The following HDX variants were observed in gnomAD, a reference collection of about 807,000 sequenced individuals.
HDX encodes the protein highly divergent homeobox.
Under a neutral mutation model 45.2 loss-of-function variants are expected in HDX, and 19 were observed. The observed-to-expected ratio is 0.42, with a 90% CI of 0.29 to 0.62. HDX has a LOEUF of 0.62. Ranked by LOEUF, HDX falls within the 20% of genes least tolerant of loss-of-function variation. HDX has a pLI of 0.20. For missense variants in HDX, 532 were observed against 493.9 expected, an observed-to-expected ratio of 1.08 and a Z score of -0.73; for synonymous variants, 188 against 172.8, an observed-to-expected ratio of 1.09 and a Z score of -0.69.
intron 5 of HDX, among the ~76,000 whole-genome samples, chrX:84,378,150 T>A (rs1353602599): frequency 8.9e-6 from 1 of 111,856 alleles, no homozygotes; most frequent in Non-Finnish European, 1.9e-5. Flanking sequence ...TAGCATAGCA[T>A]ATCCAGCGAA....
rs182866637 is a variant in HDX at position 84,419,554 on chromosome X, C to T, written c.1305+20978G>A. Among the ~76,000 whole-genome samples, 44 of 111,692 alleles carry T rather than the reference C, an allele frequency of 3.9e-4. No individual in the cohort carries two copies. The South Asian group carries it at 0.016, about 40-fold the overall frequency. On this transcript the variant is annotated intron_variant, in intron 5 of 10. Coordinates refer to ENST00000373177, the MANE Select transcript of HDX (RefSeq NM_001177479.2). Reference sequence around the variant, plus strand: ...GAGTATATTTCAAAGATATTGGACTCTAGTCCCTGTGGCATCTTGAGACCC... The same window carrying T: ...GAGTATATTTCAAAGATATTGGACTTTAGTCCCTGTGGCATCTTGAGACCC...
At chrX:84,467,095 C>T (rs1466287474) in intron 4 of HDX, among the ~76,000 whole-genome samples, 1 of 110,984 alleles carries the variant, frequency 9.0e-6, no homozygotes, top group African/African-American at 3.3e-5. Context: ...CTTTAAAGGG[C>T]ACACACATAA....
intron 5 of HDX, among the ~76,000 whole-genome samples, chrX:84,373,517 A>G (rs1012935189): frequency 7.2e-5 from 8 of 110,933 alleles, no homozygotes. Context: ...TCAATAAAAT[A>G]CTGGCAAACC....
chrX:84,470,472 G>T (rs1602517615), intron 3 of HDX, among the ~76,000 whole-genome samples: 1 of 111,189 alleles, frequency 9.0e-6, no homozygotes, highest in East Asian at 2.8e-4. Context: ...AAATTGATTT[G>T]TATGCAAGAG....
At chrX:84,378,026 A>C (rs1241653738) in intron 5 of HDX, among the ~76,000 whole-genome samples, 1 of 111,771 alleles carries the variant, frequency 8.9e-6, no homozygotes, top group Non-Finnish European at 1.9e-5. Context: ...GAAACAAAAA[A>C]CAACAATGAA....
At chrX:84,445,280 T>C (rs1327501159) in intron 4 of HDX, among the ~76,000 whole-genome samples, 1 of 111,633 alleles carries the variant, frequency 9.0e-6, no homozygotes, top group African/African-American at 3.2e-5. Flanking sequence ...AATGAAGCAA[T>C]CAAGAAATAA....
At chrX:84,430,231 C>CT (rs2039471766) in intron 5 of HDX, among the ~76,000 whole-genome samples, 1 of 110,540 alleles carries the variant, frequency 9.0e-6, no homozygotes, top group African/African-American at 3.3e-5. Context: ...TATGAGATTA[C>CT]TTTTTTTAGC....
rs181539851 is a variant in HDX, at chrX:84,471,700, T to C, written c.148-2125A>G. Among the ~76,000 whole-genome samples, 62 of 109,731 alleles carry C rather than the reference T, an allele frequency of 5.7e-4. 1 individual carries two copies. The East Asian group carries it at 0.015, about 26-fold the overall frequency. ...ATTACTGTTTCTCCCATAAAGAAAA[T>C]GTTCCACAAACTGTAGTGTTCCACT... On this transcript the variant is annotated intron_variant, in intron 3 of 10. Coordinates refer to ENST00000373177, the MANE Select transcript of HDX (RefSeq NM_001177479.2).
chrX:84,357,247 G>A (rs2037509203), intron 6 of HDX, among the ~76,000 whole-genome samples: 1 of 111,493 alleles, frequency 9.0e-6, no homozygotes, highest in African/African-American at 3.3e-5. Context: ...TCAGAAAAAT[G>A]CCAGGAGCTA....
intron 4 of HDX, among the ~76,000 whole-genome samples, chrX:84,450,750 G>A (rs753283540): frequency 1.7e-4 from 19 of 112,063 alleles, no homozygotes; most frequent in Middle Eastern, 4.6e-3. Context: ...CACATTCTTC[G>A]CAACAGCATA....
At chrX:84,478,692 AT>A (rs947735432) in intron 2 of HDX, among the ~76,000 whole-genome samples, 4 of 107,891 alleles carry the variant, frequency 3.7e-5, no homozygotes, top group South Asian at 4.0e-4. Flanking sequence ...CACCTCTACA[AT>A]TTTTTTTTAA....
intron 1 of HDX, chrX:84,501,478 G>A (rs1023053598): frequency 8.9e-6 from 1 of 111,850 alleles, no homozygotes; most frequent in Non-Finnish European, 1.9e-5. Flanking sequence ...AAGAATTTAA[G>A]GTTCAAAATC....
intron 5 of HDX, among the ~76,000 whole-genome samples, chrX:84,413,680 T>C (rs967325428): frequency 1.8e-5 from 2 of 112,047 alleles, no homozygotes; most frequent in African/African-American, 3.2e-5. Flanking sequence ...TTAATGATTG[T>C]TTCATATGAC....
intron 9 of HDX, among the ~76,000 whole-genome samples, chrX:84,331,043 G>A (rs1253428263): frequency 9.0e-6 from 1 of 111,405 alleles, no homozygotes; most frequent in Non-Finnish European, 1.9e-5. Flanking sequence ...TCTTCGTCAA[G>A]ATGATAGTAA....
chrX:84,443,386 A>G (rs1346008192), intron 4 of HDX, among the ~76,000 whole-genome samples: 1 of 111,838 alleles, frequency 8.9e-6, no homozygotes, highest in Non-Finnish European at 1.9e-5. Context: ...CTCACTTTAA[A>G]CAGACTGGTT....
chrX:84,411,069 G>A (rs1429449266), intron 5 of HDX, among the ~76,000 whole-genome samples: 2 of 110,855 alleles, frequency 1.8e-5, no homozygotes, highest in Non-Finnish European at 3.8e-5. Context: ...CATAAGTCTG[G>A]CTAGTGGTCT....
intron 5 of HDX, among the ~76,000 whole-genome samples, chrX:84,429,915 C>T (rs1282813480): frequency 9.1e-6 from 1 of 110,477 alleles, no homozygotes; most frequent in Non-Finnish European, 1.9e-5. Context: ...ATAATAATTG[C>T]ACATATTTGT....
intron 3 of HDX, among the ~76,000 whole-genome samples, chrX:84,472,134 T>A (rs911803211): frequency 9.1e-6 from 1 of 110,311 alleles, no homozygotes; most frequent in East Asian, 2.8e-4. Context: ...CGTAACCTAT[T>A]GTGTTCTCTT....
intron 4 of HDX, among the ~76,000 whole-genome samples, chrX:84,442,376 C>A (rs1202873089): frequency 9.0e-6 from 1 of 110,988 alleles, no homozygotes; most frequent in Non-Finnish European, 1.9e-5. Flanking sequence ...GGCCACCAGA[C>A]CTGCCATTTT....
Sources: allele counts gnomAD v4.1 joint callset (sites outside exome capture counted in the v4.1 genomes callset), GRCh38; gene constraint gnomAD v4.1.1; transcripts MANE v1.5; gene names NCBI Gene and HGNC (gene_info 2026-07-23, HGNC 2026-07-21).